GSTCD: variants seen among roughly 807,000 people sequenced by gnomAD.
GSTCD encodes glutathione S-transferase C-terminal domain-containing protein.
GSTCD carries 44 observed loss-of-function variants against 68.3 expected under a neutral mutation model. That is an observed-to-expected ratio of 0.64 (90% CI 0.51 to 0.83). The LOEUF (loss-of-function observed/expected upper bound fraction) is 0.83, where lower values mean the gene tolerates loss of function less well. Ranked by LOEUF, GSTCD falls within the 40% of genes least tolerant of loss-of-function variation. The pLI, the probability that GSTCD is intolerant of heterozygous loss-of-function variation, is 0.00. For missense variants in GSTCD, 739 were observed against 735.9 expected (o/e 1.00, Z -0.05); for synonymous variants, 273 against 255.2 (o/e 1.07, Z -0.67).
At position 105,717,759 on chromosome 4, in the gene GSTCD, G is replaced by T. The variant is rs773201025; in HGVS notation, c.146G>T (p.Cys49Phe). The change falls in exon 2 of 12, where the codon TGC becomes TTC. Residue 49 changes from cysteine to phenylalanine, a missense_variant. By Grantham distance (205) the Cys-to-Phe change is radical (BLOSUM62 -2). Transcript: ENST00000515279. ...SYCDCKIFKI[C>F]LVVTKEVSRD... ...TGTGACTGTAAAATCTTTAAAATTT[G>T]CTTAGTTGTCACCAAAGAGGTGAGT... 1.2e-6 allele frequency: 2 copies of T among 1,613,824 alleles called. No homozygotes were observed. Among genetic ancestry groups the T allele is most frequent in the South Asian group, 1.1e-5 (1 of 91,070 alleles).
At chr4:105,719,822 A>G (rs1321914996) in intron 3 of GSTCD, among the ~76,000 whole-genome samples, 4 of 152,160 alleles carry the variant, frequency 2.6e-5, no homozygotes, top group Admixed American at 6.6e-5. Context: ...CTAAAATGTT[A>G]ACAATTGTTA....
rs888486075 is a variant in GSTCD, at chr4:105,719,541, T to C, written c.894+14T>C. On this transcript the variant is annotated intron_variant, in intron 3 of 11. Coordinates refer to ENST00000515279, the MANE Select transcript of GSTCD (RefSeq NM_001370181.1). The stretch of plus-strand genomic sequence containing the variant: ...CATCATTTCTTGGTAAGGTTTCATC[T>C]GGACTGTACACATTACTATGAGTTT... The C allele has an allele frequency of 1.3e-6, 2 of 1,569,880 alleles. No individual in the cohort carries two copies. The highest frequency in any genetic ancestry group is 8.8e-7 in the Non-Finnish European group (1 of 1,140,286).
chr4:105,742,272 C>G (rs1733653581), intron 5 of GSTCD, among the ~76,000 whole-genome samples: 1 of 152,146 alleles, frequency 6.6e-6, no homozygotes, highest in South Asian at 2.1e-4. Context: ...GAACTTTTTA[C>G]TGTTTTTCTT....
chr4:105,836,415 A>G (rs867504591), intron 9 of GSTCD, among the ~76,000 whole-genome samples: 4 of 152,102 alleles, frequency 2.6e-5, no homozygotes, highest in African/African-American at 9.7e-5. Flanking sequence ...GCTTCGGGCC[A>G]TTTCTGGGTT....
chr4:105,763,033 A>G (rs1198409567), intron 5 of GSTCD, among the ~76,000 whole-genome samples: 3 of 152,220 alleles, frequency 2.0e-5, no homozygotes, highest in Non-Finnish European at 4.4e-5. Context: ...CAAGACACAC[A>G]TTAGGAACCA....
Position 105,823,070 on chromosome 4 carries a change from G to A in GSTCD, c.1356+1G>A, listed in dbSNP as rs1723391463. 1 of 1,607,584 alleles carries A rather than the reference G, an allele frequency of 6.2e-7. No homozygotes were observed. The highest frequency in any genetic ancestry group is 1.7e-5 in the Admixed American group (1 of 59,956). On this transcript the variant is annotated splice_donor_variant, in intron 6 of 11. Transcript: ENST00000515279. LOFTEE classifies it high-confidence loss of function. ...AATTGTGGATTTCTGCAGCGGTGGG[G>A]TATTTTATCTCTCCTTTCATCCTTT...
At chr4:105,838,514 T>C (rs1724211570) in intron 10 of GSTCD, among the ~76,000 whole-genome samples, 1 of 152,242 alleles carries the variant, frequency 6.6e-6, no homozygotes, top group Non-Finnish European at 1.5e-5. Context: ...ATAAAAACTT[T>C]CTTAATTCAC....
chr4:105,746,081 C>G (rs771070516), intron 5 of GSTCD, among the ~76,000 whole-genome samples: 18 of 152,090 alleles, frequency 1.2e-4, no homozygotes, highest in Non-Finnish European at 1.8e-4. Flanking sequence ...CGCTGACTCC[C>G]CATGCAGTTG....
At position 105,729,502 on chromosome 4, in the gene GSTCD, G is replaced by C; in HGVS notation, c.1240+3G>C. ...TGCAGCAGTCAGCCCAAAGGAAGGT[G>C]AGTTTTCTTTTTTCTTTAAGTTTTA... On this transcript the variant is annotated splice_donor_region_variant and intron_variant, in intron 5 of 11. Transcript: ENST00000515279. The C allele has an allele frequency of 6.2e-7, 1 of 1,601,674 alleles. No homozygotes were observed. Among genetic ancestry groups the C allele is most frequent in the East Asian group, 2.2e-5 (1 of 44,704 alleles).
intron 11 of GSTCD, among the ~76,000 whole-genome samples, chr4:105,842,801 T>G (rs1724409317): frequency 6.6e-6 from 1 of 152,196 alleles, no homozygotes; most frequent in Non-Finnish European, 1.5e-5. Flanking sequence ...TACATTTTAA[T>G]GATAAGAAAA....
intron 5 of GSTCD, among the ~76,000 whole-genome samples, chr4:105,779,233 C>T (rs1014955677): frequency 6.6e-6 from 1 of 152,034 alleles, no homozygotes; most frequent in Admixed American, 6.6e-5. Flanking sequence ...TCTTTCTTGG[C>T]CTTAACCTTC....
intron 9 of GSTCD, 60 bp from the exon 10 acceptor site, chr4:105,837,799 C>T: frequency 1.4e-6 from 1 of 726,510 alleles, no homozygotes; most frequent in Non-Finnish European, 2.3e-6. Context: ...TTAGTTTCTT[C>T]AAGATTATCT....
chr4:105,714,891 A>G (rs999920133), intron 1 of GSTCD, among the ~76,000 whole-genome samples: 4 of 152,176 alleles, frequency 2.6e-5, no homozygotes, highest in Admixed American at 6.5e-5. Flanking sequence ...TCATATTCTT[A>G]TGTGCCTTAC....
At chr4:105,753,420 T>G (rs1734073386) in intron 5 of GSTCD, 2 of 152,046 alleles carry the variant, frequency 1.3e-5, no homozygotes, top group African/African-American at 4.8e-5. Flanking sequence ...TATATATAAA[T>G]TATATATACA....
At chr4:105,784,347 A>G (rs933975160) in intron 5 of GSTCD, among the ~76,000 whole-genome samples, 3 of 152,244 alleles carry the variant, frequency 2.0e-5, no homozygotes, top group South Asian at 2.1e-4. Flanking sequence ...AAGAGAGCAC[A>G]TGAGACAGAG....
At chr4:105,835,148 T>C (rs1724060771) in intron 9 of GSTCD, among the ~76,000 whole-genome samples, 1 of 152,212 alleles carries the variant, frequency 6.6e-6, no homozygotes, top group Admixed American at 6.5e-5. Context: ...GAACTGTTGC[T>C]AATAATGGTA....
chr4:105,817,354 T>C (rs993794447), intron 5 of GSTCD, among the ~76,000 whole-genome samples: 4 of 151,904 alleles, frequency 2.6e-5, no homozygotes, highest in African/African-American at 7.2e-5. Context: ...TCCAATGAAT[T>C]CTGCTGTCTT....
chr4:105,798,782 G>A (rs1735998931), intron 5 of GSTCD, among the ~76,000 whole-genome samples: 1 of 151,400 alleles, frequency 6.6e-6, no homozygotes, highest in Non-Finnish European at 1.5e-5. Context: ...CATTTATAAG[G>A]GCCCTAGGAT....
intron 5 of GSTCD, among the ~76,000 whole-genome samples, chr4:105,770,309 C>A (rs922559167): frequency 6.6e-6 from 1 of 151,686 alleles, no homozygotes; most frequent in African/African-American, 2.4e-5. Flanking sequence ...CCGCGTAGCA[C>A]CTTTCTGAGA....
Sources: gnomAD v4.1 joint callset for allele counts (sites outside exome capture counted in the v4.1 genomes callset) on GRCh38, gnomAD v4.1.1 for gene constraint, MANE v1.5 for transcripts, NCBI Gene and HGNC (gene_info 2026-07-23, HGNC 2026-07-21) for gene names.